Variants in SLC60A1 observed in about 807,000 individuals in gnomAD.
SLC60A1 encodes solute carrier family 60 member 1.
At chr1:205,584,766 G>T in the SLC60A1 span, 1 of 900,142 alleles carries the variant, frequency 1.1e-6, no homozygotes, top group Admixed American at 1.8e-5. Flanking sequence ...GAGGCAGTAA[G>T]TGGGCCCCAT....
At chr1:205,579,982 C>A in the SLC60A1 span, 1 of 1,596,754 alleles carries the variant, frequency 6.3e-7, no homozygotes, top group Middle Eastern at 1.7e-4. Context: ...GGGCTGGGAG[C>A]TGGGGAGGGC....
the SLC60A1 span, among the ~76,000 whole-genome samples, chr1:205,569,915 GC>G: frequency 6.6e-6 from 1 of 152,096 alleles, no homozygotes; most frequent in Admixed American, 6.5e-5. Flanking sequence ...TCCTGAGGCA[GC>G]CAGAACATGG....
At chr1:205,573,876 T>C in the SLC60A1 span, among the ~76,000 whole-genome samples, 2 of 151,910 alleles carry the variant, frequency 1.3e-5, no homozygotes, top group African/African-American at 2.4e-5. Context: ...TTTTGTATTT[T>C]TAGTGGAGAC....
chr1:205,583,237 G>A, the SLC60A1 span, among the ~76,000 whole-genome samples: 1 of 152,182 alleles, frequency 6.6e-6, no homozygotes, highest in Admixed American at 6.5e-5. Flanking sequence ...AAGGAGTTCC[G>A]ATTTAGCATA....
At chr1:205,598,106 A>C in the SLC60A1 span, 1 of 418,096 alleles carries the variant, frequency 2.4e-6, no homozygotes, top group East Asian at 4.7e-5. Flanking sequence ...CATGTCTGGG[A>C]GCAGGGCCAG....
chr1:205,583,392 T>G, the SLC60A1 span, among the ~76,000 whole-genome samples: 1 of 152,200 alleles, frequency 6.6e-6, no homozygotes, highest in African/African-American at 2.4e-5. Context: ...CCAAGGCATC[T>G]CCTTAGGTAG....
At chr1:205,593,641 CTT>C in the SLC60A1 span, among the ~76,000 whole-genome samples, 1 of 152,014 alleles carries the variant, frequency 6.6e-6, no homozygotes, top group Non-Finnish European at 1.5e-5. Context: ...GGAATAAAAT[CTT>C]TTCTACGATA....
chr1:205,576,105 G>A, the SLC60A1 span, among the ~76,000 whole-genome samples: 1 of 152,152 alleles, frequency 6.6e-6, no homozygotes, highest in East Asian at 1.9e-4. Context: ...GTGGGGCGGG[G>A]GACAAGAGGT....
the SLC60A1 span, among the ~76,000 whole-genome samples, chr1:205,595,423 T>C: frequency 1.3e-5 from 2 of 152,208 alleles, no homozygotes; most frequent in Non-Finnish European, 2.9e-5. Context: ...GAAGCTCCTC[T>C]GATCCCCACT....
the SLC60A1 span, among the ~76,000 whole-genome samples, chr1:205,587,054 C>T: frequency 3.3e-5 from 5 of 152,216 alleles, no homozygotes; most frequent in African/African-American, 1.2e-4. Context: ...AACTGATCTG[C>T]CTAGGAGGCA....
chr1:205,590,068 G>A, the SLC60A1 span, among the ~76,000 whole-genome samples: 5 of 152,216 alleles, frequency 3.3e-5, no homozygotes, highest in Admixed American at 2.0e-4. Context: ...AGGAAATTAA[G>A]AGTCTAGTTT....
chr1:205,592,313 G>A, the SLC60A1 span: 3 of 1,597,162 alleles, frequency 1.9e-6, no homozygotes, highest in South Asian at 3.3e-5. Context: ...GAGCCAGGAG[G>A]CGCGCTCTAT....
chr1:205,575,236 A>T, the SLC60A1 span, among the ~76,000 whole-genome samples: 180 of 152,216 alleles, frequency 1.2e-3, no homozygotes, highest in Middle Eastern at 3.4e-3. Flanking sequence ...ACTCTTCCAC[A>T]TTTCTGCTCC....
chr1:205,584,462 G>A, the SLC60A1 span, among the ~76,000 whole-genome samples: 10 of 150,578 alleles, frequency 6.6e-5, no homozygotes, highest in African/African-American at 2.4e-4. Context: ...GATCTCAGGT[G>A]ATCCATCTGC....
the SLC60A1 span, among the ~76,000 whole-genome samples, chr1:205,590,589 A>G: frequency 6.6e-6 from 1 of 152,178 alleles, no homozygotes; most frequent in Non-Finnish European, 1.5e-5. Flanking sequence ...GGCCTCAAGG[A>G]TTAGGAGCAC....
chr1:205,599,084 A>G, the SLC60A1 span: 7 of 1,610,446 alleles, frequency 4.3e-6, no homozygotes, highest in East Asian at 2.2e-5. Context: ...TACACCTTCC[A>G]CGTGAAGTTT....
the SLC60A1 span, among the ~76,000 whole-genome samples, chr1:205,581,390 C>A: frequency 6.6e-6 from 1 of 152,220 alleles, no homozygotes; most frequent in African/African-American, 2.4e-5. This position sits in a 1 kb window ranked among gnomAD's most constrained non-coding sequence, Gnocchi z 4.2. Context: ...GCCAAGGCAG[C>A]CTATGGTGGG....
chr1:205,596,869 C>A, the SLC60A1 span, among the ~76,000 whole-genome samples: 7 of 152,102 alleles, frequency 4.6e-5, 1 homozygote, highest in Non-Finnish European at 1.0e-4. Flanking sequence ...GTTACCCACA[C>A]GGTAAGTCTG....
At chr1:205,586,899 G>A in the SLC60A1 span, among the ~76,000 whole-genome samples, 70,269 of 151,804 alleles carry the variant, frequency 0.46, 17,443 homozygotes, top group East Asian at 0.8. Flanking sequence ...GTTTCACCAC[G>A]TTGGCCAGGC....
Sources: allele counts gnomAD v4.1 joint callset (sites outside exome capture counted in the v4.1 genomes callset), GRCh38; gene constraint gnomAD v4.1.1; non-coding constraint Gnocchi (gnomAD v3.1); transcripts MANE v1.5; gene names NCBI Gene and HGNC (gene_info 2026-07-23, HGNC 2026-07-21).